The following TTLL5 variants were observed in gnomAD, a reference collection of about 807,000 sequenced individuals.
TTLL5 encodes the protein tubulin tyrosine ligase like 5, also known as tubulin polyglutamylase TTLL5.
In TTLL5, 132 loss-of-function variants were observed where a neutral mutation model predicts 168.4. That is an observed-to-expected ratio of 0.78 (90% confidence interval 0.68 to 0.91). The LOEUF (loss-of-function observed/expected upper bound fraction) is 0.91, where lower values mean the gene tolerates loss of function less well. TTLL5 is among the 40% of genes least tolerant of loss of function. The probability of loss-of-function intolerance (pLI) is 0.00; values close to 1 mark genes in which losing one functional copy is unlikely to be tolerated. For synonymous variants in TTLL5, 546 were observed against 558.6 expected (o/e 0.98, Z 0.32); for missense variants, 1,545 against 1,581.5 (o/e 0.98, Z 0.39).
intron 15 of TTLL5, among the ~76,000 whole-genome samples, chr14:75,740,539 A>G (rs1446804047): frequency 2.0e-5 from 3 of 152,132 alleles, no homozygotes; most frequent in African/African-American, 4.8e-5. Context: ...AACAGGATGC[A>G]TGTCTCTCAG....
intron 29 of TTLL5, among the ~76,000 whole-genome samples, chr14:75,864,398 A>T (rs1310629889): frequency 6.6e-6 from 1 of 152,226 alleles, no homozygotes; most frequent in Non-Finnish European, 1.5e-5. Context: ...ACAAATGTTT[A>T]CTGTGATTCT....
At chr14:75,801,085 C>G (rs1451668685) in intron 27 of TTLL5, among the ~76,000 whole-genome samples, 2 of 152,022 alleles carry the variant, frequency 1.3e-5, no homozygotes, top group Non-Finnish European at 2.9e-5. Flanking sequence ...CCACAGAGCT[C>G]CCAAGATATT....
chr14:75,727,925 A>G (rs1594934541), intron 12 of TTLL5: 2 of 443,972 alleles, frequency 4.5e-6, no homozygotes, highest in South Asian at 1.6e-5. Context: ...GAAACATTCT[A>G]TGTGGGCTGA....
At position 75,663,053 on chromosome 14, in the gene TTLL5, A is replaced by T; in HGVS notation, c.-95-2A>T. 1 of 990,256 alleles carries T rather than the reference A, an allele frequency of 1.0e-6. No homozygotes were observed. The highest frequency in any genetic ancestry group is 1.6e-6 in the Non-Finnish European group (1 of 630,398). 61.3% of individuals were successfully genotyped at this position (990,256 alleles called of 1,614,324 possible). ...TGATCCAATCAAGTTGATTTCTTGC[A>T]GGAATCTGTGCCATCCAAATTGCTT... On this transcript the variant is annotated splice_acceptor_variant, in intron 1 of 31. Coordinates refer to ENST00000298832, the MANE Select transcript of TTLL5 (RefSeq NM_015072.5). LOFTEE classifies it low-confidence loss of function (5UTR_SPLICE).
chr14:75,724,639 A>G lies in TTLL5; in HGVS notation c.1042+3936A>G, dbSNP rs183341165. On this transcript the variant is annotated intron_variant, in intron 12 of 31. Coordinates refer to ENST00000298832, the MANE Select transcript of TTLL5 (RefSeq NM_015072.5). ...TTAGTGAGTGAAATAACTCAGGTCA[A>G]AATGACTCAGCTTGTATCTATGGGG... 2.5e-3 allele frequency among the ~76,000 whole-genome samples: 383 copies of G among 152,324 alleles called. 2 individuals are homozygous for G. The highest frequency in any genetic ancestry group is 8.8e-3 in the African/African-American group (367 of 41,576).
intron 2 of TTLL5, among the ~76,000 whole-genome samples, chr14:75,666,555 A>G (rs1375469904): frequency 2.6e-5 from 4 of 152,246 alleles, no homozygotes; most frequent in Admixed American, 6.5e-5. Context: ...TTAACAATCA[A>G]TTATAAAGTG....
At chr14:75,895,273 C>T (rs899247401) in intron 30 of TTLL5, among the ~76,000 whole-genome samples, 3 of 152,240 alleles carry the variant, frequency 2.0e-5, no homozygotes, top group South Asian at 2.1e-4. Flanking sequence ...TATTTTTTAA[C>T]GCTGATTCTG....
chr14:75,663,647 A>G (rs1566805405), intron 2 of TTLL5, among the ~76,000 whole-genome samples: 2 of 152,242 alleles, frequency 1.3e-5, no homozygotes, highest in Non-Finnish European at 2.9e-5. Flanking sequence ...GTGGTAATAT[A>G]GAGAGGTCAG....
Position 75,786,395 on chromosome 14 carries a change from T to C in TTLL5, c.2986+2865T>C, listed in dbSNP as rs540684987. Among the ~76,000 whole-genome samples the C allele has an allele frequency of 2.6e-5, 4 of 152,334 alleles. No homozygotes were observed. In the East Asian group the frequency reaches 7.7e-4, roughly 29 times the overall value. ...AGTTGGTGAGTTCATAAATATTTTCTGATATCTATTGTGATTTCTTTTTTG... is the reference window on the plus strand; with the variant it reads ...AGTTGGTGAGTTCATAAATATTTTCCGATATCTATTGTGATTTCTTTTTTG... On this transcript the variant is annotated intron_variant, in intron 26 of 31. Coordinates refer to ENST00000298832, the MANE Select transcript of TTLL5 (RefSeq NM_015072.5).
chr14:75,784,542 A>G (rs957232523), intron 26 of TTLL5, among the ~76,000 whole-genome samples: 1 of 152,252 alleles, frequency 6.6e-6, no homozygotes, highest in East Asian at 1.9e-4. Context: ...TAATGCTGCT[A>G]TGAACATTTG....
rs573106959 is a variant in TTLL5 at position 75,902,068 on chromosome 14, C to T, written c.3741-74C>T. 2.9e-5 allele frequency: 38 copies of T among 1,297,150 alleles called. No homozygotes were observed. The African/African-American group carries it at 3.2e-4, about 11-fold the overall frequency. The allele number at this position is 1,297,150 out of a possible 1,614,324, so 80.4% of individuals were successfully genotyped here. On this transcript the variant is annotated intron_variant, in intron 30 of 31. Transcript: ENST00000298832. ...GAGAAGCAGCACCAAGAGCAAGAAG[C>T]GAAGCCATCAGAGGTCCTGCACCTG...
In TTLL5 at chr14:75,904,212, A is replaced by G. The variant is rs991799585; in HGVS notation, c.3823+1988A>G. 27 of 1,219,118 alleles carry G rather than the reference A, an allele frequency of 2.2e-5. No homozygotes were observed. The African/African-American group carries it at 3.6e-4, about 16-fold the overall frequency. 75.5% of individuals were successfully genotyped at this position (1,219,118 alleles called of 1,614,324 possible). On this transcript the variant is annotated intron_variant, in intron 31 of 31. Transcript: ENST00000298832. ...TTCACCTCACTCCTCCAAAAAAAAA[A>G]AAAAGGAAAGAAAAAAAGAATTACT... is the stretch of plus-strand genomic sequence containing the variant.
intron 29 of TTLL5, among the ~76,000 whole-genome samples, chr14:75,879,717 AC>A (rs2031698296): frequency 6.6e-6 from 1 of 152,226 alleles, no homozygotes; most frequent in South Asian, 2.1e-4. Flanking sequence ...GAGCTGAGGT[AC>A]ATTTGACCGC....
intron 31 of TTLL5, among the ~76,000 whole-genome samples, chr14:75,925,891 A>G (rs138146973): frequency 6.6e-6 from 1 of 151,950 alleles, no homozygotes; most frequent in Non-Finnish European, 1.5e-5. Context: ...CCACCAAAAA[A>G]GTACGAAAAC....
At chr14:75,862,616 G>A (rs2030111650) in intron 28 of TTLL5, among the ~76,000 whole-genome samples, 2 of 152,110 alleles carry the variant, frequency 1.3e-5, no homozygotes, top group South Asian at 4.1e-4. Context: ...AAAGACTTCT[G>A]CTAGGAAGTA....
At chr14:75,826,006 G>A (rs1446133666) in intron 28 of TTLL5, among the ~76,000 whole-genome samples, 1 of 151,962 alleles carries the variant, frequency 6.6e-6, no homozygotes, top group East Asian at 1.9e-4. Context: ...GAGCAAAAGT[G>A]ATTGGCTTCT....
chr14:75,764,567 GGAGAGAAC>G, intron 18 of TTLL5, 40 bp from the exon 19 acceptor site: 1 of 1,606,284 alleles, frequency 6.2e-7, no homozygotes, highest in Middle Eastern at 1.7e-4. Flanking sequence ...TTGGAATGAA[GGAGAGAAC>G]TTTCTGAAGG....
intron 27 of TTLL5, among the ~76,000 whole-genome samples, chr14:75,798,465 G>A (rs2140361931): frequency 6.6e-6 from 1 of 151,112 alleles, no homozygotes; most frequent in Middle Eastern, 3.4e-3. Context: ...ATTTTATTTA[G>A]TTATGCTCTG....
intron 20 of TTLL5, among the ~76,000 whole-genome samples, chr14:75,770,195 A>AAG (rs1255029853): frequency 3.3e-5 from 5 of 151,458 alleles, no homozygotes; most frequent in Admixed American, 1.3e-4. Context: ...AAAAAAAAAA[A>AAG]AAAGAAAATA....
Sources: allele counts gnomAD v4.1 joint callset (sites outside exome capture counted in the v4.1 genomes callset), GRCh38; gene constraint gnomAD v4.1.1; transcripts MANE v1.5; gene names NCBI Gene and HGNC (gene_info 2026-07-23, HGNC 2026-07-21).